The following MAST4 variants were observed in gnomAD, a reference collection of about 807,000 sequenced individuals.
MAST4 encodes the protein microtubule-associated serine/threonine-protein kinase 4.
Under a neutral mutation model 162.7 loss-of-function variants are expected in MAST4, and 89 were observed. That is an observed-to-expected ratio of 0.55 (90% confidence interval 0.46 to 0.65). The LOEUF is 0.65. MAST4 is among the 30% of genes least tolerant of loss of function. The pLI, the probability that MAST4 is intolerant of heterozygous loss-of-function variation, is 0.00. For missense variants in MAST4, 3,153 were observed against 3,374.0 expected (o/e 0.93, Z 1.62); for synonymous variants, 1,479 against 1,361.1 (o/e 1.09, Z -1.91).
intron 5 of MAST4, among the ~76,000 whole-genome samples, chr5:67,073,178 C>G (rs80208028): frequency 0.015 from 2,300 of 152,262 alleles, 68 homozygotes; most frequent in African/African-American, 0.053. Flanking sequence ...GAACACCCAG[C>G]CCACACCATG....
intron 24 of MAST4, among the ~76,000 whole-genome samples, chr5:67,151,495 G>A (rs1467875582): frequency 3.9e-5 from 6 of 152,154 alleles, no homozygotes; most frequent in Admixed American, 1.3e-4. Flanking sequence ...TTCAACATAG[G>A]AATTTTAGGG....
At chr5:66,785,774 A>G (rs1006744065) in intron 2 of MAST4, among the ~76,000 whole-genome samples, 2 of 152,208 alleles carry the variant, frequency 1.3e-5, no homozygotes, top group Non-Finnish European at 2.9e-5. Flanking sequence ...AGGCCCTATA[A>G]CAGGTACTGG....
At chr5:66,613,824 A>G (rs140840672) in intron 1 of MAST4, among the ~76,000 whole-genome samples, 6 of 152,356 alleles carry the variant, frequency 3.9e-5, no homozygotes, top group Admixed American at 6.5e-5. Flanking sequence ...AAACAAAAAT[A>G]AACAAAACCA....
intron 14 of MAST4, 142 bp downstream of exon 14, chr5:67,121,244 T>G (rs1767545923): frequency 1.8e-6 from 1 of 547,042 alleles, no homozygotes; most frequent in Non-Finnish European, 3.1e-6. Flanking sequence ...AGGCTTGTAC[T>G]GTGCAGCCAA....
At chr5:66,790,887 G>A (rs1755366628) in intron 3 of MAST4, among the ~76,000 whole-genome samples, 1 of 115,218 alleles carries the variant, frequency 8.7e-6, no homozygotes, top group South Asian at 3.3e-4. Flanking sequence ...ATTTTTTTTT[G>A]ACAGAAGTGT....
At chr5:66,678,225 G>C (rs918466115) in intron 1 of MAST4, among the ~76,000 whole-genome samples, 1 of 151,994 alleles carries the variant, frequency 6.6e-6, no homozygotes, top group South Asian at 2.1e-4. Flanking sequence ...CAGAAGCAGA[G>C]AGTAGAATGG....
intron 5 of MAST4, among the ~76,000 whole-genome samples, chr5:67,077,037 A>G (rs1581458963): frequency 6.6e-6 from 1 of 152,202 alleles, no homozygotes. Context: ...TGTGCATTTG[A>G]GTCACATGTG....
intron 2 of MAST4, among the ~76,000 whole-genome samples, chr5:66,769,443 A>G (rs760990622): frequency 1.3e-5 from 2 of 152,198 alleles, no homozygotes; most frequent in Non-Finnish European, 2.9e-5. Context: ...TAATATAGTC[A>G]TGCATCGCTT....
At chr5:67,121,782 G>A (rs994061876) in intron 14 of MAST4, among the ~76,000 whole-genome samples, 6 of 152,092 alleles carry the variant, frequency 3.9e-5, no homozygotes, top group Non-Finnish European at 7.3e-5. Flanking sequence ...CTCACAGGCT[G>A]CGGGTTGGAT....
At chr5:66,609,928 A>G (rs540924662) in intron 1 of MAST4, among the ~76,000 whole-genome samples, 1 of 152,058 alleles carries the variant, frequency 6.6e-6, no homozygotes, top group East Asian at 1.9e-4. Context: ...TGCCACTACA[A>G]AGTACCACAC....
chr5:66,683,339 C>A (rs922759852), intron 1 of MAST4, among the ~76,000 whole-genome samples: 1 of 152,166 alleles, frequency 6.6e-6, no homozygotes, highest in African/African-American at 2.4e-5. Flanking sequence ...TATTCTGGTT[C>A]ATTGGACTGT....
chr5:66,822,793 A>G (rs754409622), intron 3 of MAST4, among the ~76,000 whole-genome samples: 13 of 152,214 alleles, frequency 8.5e-5, no homozygotes, highest in African/African-American at 2.4e-5. Context: ...GACACCTTTC[A>G]CATTATGAAT....
intron 3 of MAST4, among the ~76,000 whole-genome samples, chr5:66,803,207 T>C (rs539458270): frequency 4.4e-4 from 67 of 152,326 alleles, no homozygotes; most frequent in African/African-American, 1.6e-3. Context: ...TTTCTCTATA[T>C]ACATGAGTCT....
chr5:66,622,689 C>T (rs995169233), intron 1 of MAST4, among the ~76,000 whole-genome samples: 1 of 152,034 alleles, frequency 6.6e-6, no homozygotes, highest in Non-Finnish European at 1.5e-5. Flanking sequence ...ACAGGGTTTG[C>T]TCACAGAGTG....
intron 3 of MAST4, among the ~76,000 whole-genome samples, chr5:66,803,170 A>C (rs921902762): frequency 2.2e-4 from 33 of 152,198 alleles, no homozygotes; most frequent in Admixed American, 1.8e-3. Flanking sequence ...AATTCATATC[A>C]GAGCAGATTT....
intron 1 of MAST4, among the ~76,000 whole-genome samples, chr5:66,689,774 C>A (rs1748920321): frequency 6.6e-6 from 1 of 152,198 alleles, no homozygotes; most frequent in African/African-American, 2.4e-5. Context: ...CCCCAACAGT[C>A]ATTAAAACGT....
chr5:66,803,549 A>T (rs1401330372), intron 3 of MAST4, among the ~76,000 whole-genome samples: 7 of 152,174 alleles, frequency 4.6e-5, no homozygotes, highest in Non-Finnish European at 4.4e-5. Context: ...AATGTTTTTC[A>T]ATAAGGTTTT....
chr5:66,846,274 G>A (rs529547193), intron 3 of MAST4, among the ~76,000 whole-genome samples: 1 of 152,092 alleles, frequency 6.6e-6, no homozygotes, highest in Non-Finnish European at 1.5e-5. Flanking sequence ...GTTGTATCTG[G>A]GATAACACGG....
intron 19 of MAST4, among the ~76,000 whole-genome samples, chr5:67,141,390 CT>C (rs1770396818): frequency 6.6e-6 from 1 of 152,064 alleles, no homozygotes; most frequent in African/African-American, 2.4e-5. Flanking sequence ...ACCTTTTTCT[CT>C]TTATATGGGG....
Sources: gnomAD v4.1 joint callset for allele counts (sites outside exome capture counted in the v4.1 genomes callset) on GRCh38, gnomAD v4.1.1 for gene constraint, MANE v1.5 for transcripts, NCBI Gene and HGNC (gene_info 2026-07-23, HGNC 2026-07-21) for gene names.